The following EMSY variants were observed in gnomAD, a reference collection of about 807,000 sequenced individuals.
The protein encoded by EMSY is BRCA2-interacting transcriptional repressor EMSY.
EMSY carries 26 observed loss-of-function variants against 134.6 expected under a neutral mutation model. The ratio of observed to expected loss-of-function variants is 0.19; its 90% CI spans 0.14 to 0.27. EMSY has a LOEUF of 0.27. Among genes scored for constraint, EMSY ranks in the 10% least tolerant of loss-of-function variants. The pLI is 1.00. For synonymous variants in EMSY, 579 were observed against 577.8 expected (o/e 1.00, Z -0.03); for missense variants, 1,305 against 1,611.4 (o/e 0.81, Z 3.26).
chr11:76,552,744 A>G (rs1251195765), downstream of EMSY: 1 of 152,174 alleles, frequency 6.6e-6, no homozygotes, highest in African/African-American at 2.4e-5. Flanking sequence ...CATTACCACA[A>G]TCAATTTGAG....
At chr11:76,452,856 T>TTATTA (rs938604806) in intron 3 of EMSY, among the ~76,000 whole-genome samples, 139 of 152,300 alleles carry the variant, frequency 9.1e-4, no homozygotes, top group Middle Eastern at 3.4e-3. Context: ...CTCCATTTGT[T>TTATTA]TATTATATTC....
chr11:76,516,076 C>T (rs977759172), intron 10 of EMSY, 66 bp from the exon 12 acceptor site: 17 of 1,343,322 alleles, frequency 1.3e-5, no homozygotes, highest in Non-Finnish European at 8.3e-6. Flanking sequence ...TACAGTTAAA[C>T]TGTATTAATT....
chr11:76,494,558 A>T (rs1006445289), intron 8 of EMSY, among the ~76,000 whole-genome samples: 2 of 152,158 alleles, frequency 1.3e-5, no homozygotes, highest in African/African-American at 2.4e-5. Context: ...GTATTCAGGA[A>T]GGAGTGGGGA....
intron 6 of EMSY, 28 bp downstream of exon 7, chr11:76,460,113 G>A (rs911816843): frequency 2.5e-6 from 4 of 1,611,788 alleles, no homozygotes; most frequent in Admixed American, 3.3e-5. Flanking sequence ...TGTTATCAGG[G>A]CCTTCTTGGC....
chr11:76,454,609 C>A, intron 4 of EMSY, 140 bp from the exon 5 acceptor site: 1 of 517,938 alleles, frequency 1.9e-6, no homozygotes. Flanking sequence ...AGCTTGCATT[C>A]AGAGGCACTT....
intron 4 of EMSY, 120 bp downstream of exon 4, chr11:76,453,508 A>G (rs1344877637): frequency 2.3e-6 from 2 of 865,544 alleles, no homozygotes; most frequent in African/African-American, 3.4e-5. Context: ...CTCTATACTC[A>G]GGGATCCTGA....
intron 9 of EMSY, among the ~76,000 whole-genome samples, chr11:76,498,720 AG>A (rs1344666342): frequency 1.3e-5 from 2 of 152,216 alleles, no homozygotes; most frequent in Non-Finnish European, 2.9e-5. Flanking sequence ...AGCCTGCATT[AG>A]TATATTTAGT....
chr11:76,505,994 A>G (rs1403450002), intron 9 of EMSY, among the ~76,000 whole-genome samples: 1 of 152,152 alleles, frequency 6.6e-6, no homozygotes, highest in African/African-American at 2.4e-5. Context: ...CAAGACCCCA[A>G]CTCTACAAAA....
chr11:76,475,060 G>A (rs7107442), intron 8 of EMSY, among the ~76,000 whole-genome samples: 41,348 of 152,074 alleles, frequency 0.27, 5,890 homozygotes, highest in Non-Finnish European at 0.32. Context: ...CACCATGCCC[G>A]GCCTAAATAT....
At chr11:76,472,631 A>G (rs752582743) in exon 8 of EMSY, 4 of 1,614,080 alleles carry the variant, frequency 2.5e-6, no homozygotes, top group Admixed American at 1.7e-5. Flanking sequence ...TCCCATAACT[A>G]TGCAGCAGTC....
intron 8 of EMSY, among the ~76,000 whole-genome samples, chr11:76,482,336 C>T (rs1467820478): frequency 6.6e-6 from 1 of 152,122 alleles, no homozygotes; most frequent in Non-Finnish European, 1.5e-5. Flanking sequence ...ACCAGAATGC[C>T]TCTTCTCCTC....
At chr11:76,516,484 A>G (rs749035284) in intron 11 of EMSY, 172 bp downstream of exon 12, 31 of 432,348 alleles carry the variant, frequency 7.2e-5, no homozygotes, top group Non-Finnish European at 1.2e-4. Context: ...TTAATATTCA[A>G]TATTCACATA....
Position 76,542,127 on chromosome 11 carries a change from C to G in EMSY, c.2558-89C>G, listed in dbSNP as rs749768849. 1.0e-5 allele frequency: 15 copies of G among 1,487,760 alleles called. No individual in the cohort carries two copies. The South Asian group carries it at 1.7e-4, about 17-fold the overall frequency. 92.2% of individuals were successfully genotyped at this position (1,487,760 alleles called of 1,614,324 possible). The stretch of plus-strand genomic sequence containing the variant: ...AATACTACACTTTCTTTCTGTGATA[C>G]AAGCTCACAGACATTTGTTTAAAAT... On this transcript the variant is annotated intron_variant, in intron 17 of 20. Transcript: ENST00000334736.
At chr11:76,472,536 T>C (rs1310383491) in intron 7 of EMSY, 28 bp from the exon 9 acceptor site, 1 of 1,596,094 alleles carries the variant, frequency 6.3e-7, no homozygotes, top group Non-Finnish European at 8.6e-7. Context: ...AGTAGGTACA[T>C]AAAAATAACT....
exon 20 of EMSY, chr11:76,546,106 G>A (rs2136826965): frequency 6.2e-7 from 1 of 1,614,170 alleles, no homozygotes; most frequent in Non-Finnish European, 8.5e-7. Context: ...CATGGTGGTG[G>A]CAGGGATGGC....
intron 11 of EMSY, among the ~76,000 whole-genome samples, chr11:76,520,234 G>T (rs1565341827): frequency 1.3e-5 from 2 of 151,528 alleles, no homozygotes; most frequent in African/African-American, 4.9e-5. Context: ...TCTATTTTCT[G>T]ACATTTGCCC....
At chr11:76,472,403 T>C (rs1300772826) in intron 7 of EMSY, among the ~76,000 whole-genome samples, 161 bp from the exon 9 acceptor site, 1 of 152,214 alleles carries the variant, frequency 6.6e-6, no homozygotes, top group Non-Finnish European at 1.5e-5. Context: ...TGATGATTAC[T>C]AGTAAAGGAA....
chr11:76,451,060 G>A lies in EMSY; in HGVS notation c.71-798G>A, dbSNP rs199675215. Among the ~76,000 whole-genome samples the A allele has an allele frequency of 2.0e-5, 3 of 152,268 alleles. No individual in the cohort carries two copies. The East Asian group carries it at 5.8e-4, about 29-fold the overall frequency. On this transcript the variant is annotated intron_variant, in intron 2 of 20. Coordinates refer to ENST00000334736, the Ensembl canonical transcript of EMSY. ...AATCTGCCTCCCTCGGCTTCCCAAA[G>A]TGCTAGGATTACAGGCATGAGCCAC...
chr11:76,537,562 A>G (rs986145257), intron 15 of EMSY, among the ~76,000 whole-genome samples: 1 of 152,182 alleles, frequency 6.6e-6, no homozygotes, highest in African/African-American at 2.4e-5. Flanking sequence ...AAAGGAGATG[A>G]TTTTTGTGTT....
Sources: allele counts gnomAD v4.1 joint callset (sites outside exome capture counted in the v4.1 genomes callset), GRCh38; gene constraint gnomAD v4.1.1; transcripts MANE v1.5; gene names NCBI Gene and HGNC (gene_info 2026-07-23, HGNC 2026-07-21).